Variants in AP4S1 observed in about 807,000 individuals in gnomAD.
AP4S1 encodes adaptor related protein complex 4 subunit sigma 1.
Under a neutral mutation model 19.8 loss-of-function variants are expected in AP4S1, and 23 were observed. That is an observed-to-expected ratio of 1.16 (90% CI 0.84 to 1.65). AP4S1 has a LOEUF of 1.65. Among genes scored for constraint, AP4S1 ranks in the 40% most tolerant of loss-of-function variants. The pLI is 0.00. For missense variants in AP4S1, 166 were observed against 172.8 expected (o/e 0.96, Z 0.22); for synonymous variants, 46 against 54.1 (o/e 0.85, Z 0.66).
intron 5 of AP4S1, among the ~76,000 whole-genome samples, chr14:31,088,034 A>G (rs1284834391): frequency 2.0e-5 from 3 of 152,232 alleles, no homozygotes; most frequent in Non-Finnish European, 2.9e-5. Flanking sequence ...CGAGGGACCC[A>G]GGGCCTTCTC....
intron 2 of AP4S1, among the ~76,000 whole-genome samples, chr14:31,069,413 C>T (rs975968989): frequency 1.3e-5 from 2 of 152,148 alleles, no homozygotes; most frequent in African/African-American, 4.8e-5. Flanking sequence ...TTTGGCTCCT[C>T]AATGACTATT....
chr14:31,069,144 AC>A (rs1275471338), intron 2 of AP4S1, among the ~76,000 whole-genome samples: 1 of 151,688 alleles, frequency 6.6e-6, no homozygotes, highest in Non-Finnish European at 1.5e-5. Context: ...CCCACTCTCC[AC>A]CTCCCATCCA....
rs75115736 is a variant in AP4S1, at chr14:31,083,467, G to A, written c.306+2883G>A. ...AAAGTAGAGCAGGCAGCAGAGAAGG[G>A]CATGTGGCACCTCTTTTCTGTTGAC... On this transcript the variant is annotated intron_variant, in intron 5 of 5. Coordinates refer to ENST00000542754, the MANE Select transcript of AP4S1 (RefSeq NM_001128126.3). 2.9e-4 allele frequency: 128 copies of A among 445,068 alleles called. 3 individuals carry two copies. In the East Asian group the frequency reaches 8.9e-3, roughly 31 times the overall value. The allele number at this position is 445,068 out of a possible 1,614,324, so 27.6% of individuals were successfully genotyped here. A position where few individuals can be genotyped will look rare whatever the true frequency, so the allele number is the denominator to read the frequency against.
chr14:31,041,618 C>T (rs989552276), intron 1 of AP4S1, among the ~76,000 whole-genome samples: 3 of 152,208 alleles, frequency 2.0e-5, no homozygotes, highest in Admixed American at 2.0e-4. Flanking sequence ...CCAGGCACAA[C>T]AATCTCTGGT....
At chr14:31,084,083 G>T (rs1204553019) in intron 5 of AP4S1, among the ~76,000 whole-genome samples, 1 of 152,192 alleles carries the variant, frequency 6.6e-6, no homozygotes, top group Non-Finnish European at 1.5e-5. Flanking sequence ...GCCTTAAAAG[G>T]TTGAAAACAG....
chr14:31,026,119 C>CCTG (rs1232287095), intron 1 of AP4S1: 1 of 1,506,406 alleles, frequency 6.6e-7, no homozygotes, highest in Admixed American at 2.2e-5. Context: ...CCCCCAGGTC[C>CCTG]CTGCTGCTGC....
At chr14:31,086,605 G>T (rs906743975) in intron 5 of AP4S1, among the ~76,000 whole-genome samples, 2 of 152,018 alleles carry the variant, frequency 1.3e-5, no homozygotes, top group African/African-American at 4.8e-5. Flanking sequence ...TAGTAGAGAC[G>T]GGGTTTTGCC....
intron 1 of AP4S1, among the ~76,000 whole-genome samples, chr14:31,057,001 G>T (rs1261122312): frequency 1.3e-5 from 2 of 152,128 alleles, no homozygotes; most frequent in Non-Finnish European, 2.9e-5. Context: ...TTGAGCCTGG[G>T]AGGTCAAAGT....
intron 1 of AP4S1, among the ~76,000 whole-genome samples, chr14:31,055,396 G>A (rs944610459): frequency 5.9e-5 from 9 of 152,140 alleles, no homozygotes; most frequent in Non-Finnish European, 8.8e-5. Flanking sequence ...TGTAGCACTC[G>A]CTGTGTGCCA....
intron 1 of AP4S1, among the ~76,000 whole-genome samples, chr14:31,065,591 G>T (rs534347912): frequency 1.3e-5 from 2 of 152,168 alleles, no homozygotes; most frequent in African/African-American, 4.8e-5. Context: ...TACTGCAGTT[G>T]CTCAGAATTA....
At chr14:31,082,693 G>A (rs1172102220) in intron 5 of AP4S1, among the ~76,000 whole-genome samples, 3 of 151,810 alleles carry the variant, frequency 2.0e-5, no homozygotes, top group Admixed American at 1.3e-4. Flanking sequence ...TCAGGAGATC[G>A]AGACCATCCT....
At chr14:31,085,672 C>A in intron 5 of AP4S1, 1 of 645,274 alleles carries the variant, frequency 1.5e-6, no homozygotes, top group Non-Finnish European at 1.9e-6. Context: ...ACTAGGGAGG[C>A]TGAGGTGGGA....
intron 1 of AP4S1, among the ~76,000 whole-genome samples, chr14:31,063,294 G>A (rs1233741065): frequency 6.6e-6 from 1 of 152,110 alleles, no homozygotes; most frequent in African/African-American, 2.4e-5. Flanking sequence ...GCAAGGCATG[G>A]TGGCAGGCAC....
In AP4S1 at chr14:31,025,712, C is replaced by T; in HGVS notation, c.-147C>T. ...CGCGTAGCCAGTGAAGGTTGGGGAG[C>T]AAGCTTATGCGGGAAAGAGGGAGGG... is the stretch of plus-strand genomic sequence containing the variant. On this transcript the variant is annotated 5_prime_UTR_variant, in exon 1 of 6. Coordinates refer to ENST00000542754, the MANE Select transcript of AP4S1 (RefSeq NM_001128126.3). 2 of 827,546 alleles carry T rather than the reference C, an allele frequency of 2.4e-6. No individual in the cohort carries two copies. The highest frequency in any genetic ancestry group is 3.0e-5 in the Admixed American group (1 of 33,424). 51.3% of individuals were successfully genotyped at this position (827,546 alleles called of 1,614,324 possible).
chr14:31,042,434 T>G (rs1308282626), intron 1 of AP4S1, among the ~76,000 whole-genome samples: 1 of 152,184 alleles, frequency 6.6e-6, no homozygotes, highest in Non-Finnish European at 1.5e-5. Flanking sequence ...CTTTTTAAAC[T>G]GTTCTTACCT....
At chr14:31,058,577 T>TGTGTGTGTGTGTG (rs1886262331) in intron 1 of AP4S1, among the ~76,000 whole-genome samples, 1 of 120,098 alleles carries the variant, frequency 8.3e-6, no homozygotes, top group African/African-American at 3.1e-5. Flanking sequence ...GTGTGTGTGT[T>TGTGTGTGTGTGTG]TAGAGATAGG....
At chr14:31,059,120 A>G (rs1310284953) in intron 1 of AP4S1, among the ~76,000 whole-genome samples, 2 of 152,184 alleles carry the variant, frequency 1.3e-5, no homozygotes, top group Non-Finnish European at 1.5e-5. Flanking sequence ...TGTATATTCT[A>G]TAGTAAAAAT....
At chr14:31,085,412 GCACAAATATAGGCTAGAATCCAGGCCC>G (rs1887877769) in intron 5 of AP4S1, 1 of 987,452 alleles carries the variant, frequency 1.0e-6, no homozygotes, top group Non-Finnish European at 1.2e-6. Flanking sequence ...TTCTTGTGAG[GCACAAATATAGGCTAGAATCCAGGCCC>G]CACAAATATA....
chr14:31,056,415 G>A, intron 1 of AP4S1, among the ~76,000 whole-genome samples: 1 of 151,768 alleles, frequency 6.6e-6, no homozygotes, highest in East Asian at 2.0e-4. Context: ...CTGGAGTGCA[G>A]TGGCGCGATC....
Sources: gnomAD v4.1 joint callset for allele counts (sites outside exome capture counted in the v4.1 genomes callset) on GRCh38, gnomAD v4.1.1 for gene constraint, MANE v1.5 for transcripts, NCBI Gene and HGNC (gene_info 2026-07-23, HGNC 2026-07-21) for gene names.